Variants in SHTN1 observed in about 807,000 individuals in gnomAD.
SHTN1 encodes the protein shootin 1, also known as shootin-1.
SHTN1 carries 42 observed loss-of-function variants against 83.1 expected under a neutral mutation model. The ratio of observed to expected loss-of-function variants is 0.51; its 90% confidence interval spans 0.39 to 0.65. The LOEUF is 0.65. Among genes scored for constraint, SHTN1 ranks in the 30% least tolerant of loss-of-function variants. The pLI is 0.00. For missense variants in SHTN1, 622 were observed against 737.8 expected (o/e 0.84, Z 1.82); for synonymous variants, 224 against 247.7 (o/e 0.90, Z 0.90).
intron 2 of SHTN1, among the ~76,000 whole-genome samples, chr10:117,037,449 G>T (rs1352323210): frequency 6.6e-6 from 1 of 152,132 alleles, no homozygotes. Context: ...CCATGTGCAA[G>T]GATAGGAAGA....
In SHTN1 at chr10:116,909,245, T is replaced by G. The variant is rs578088351; in HGVS notation, c.1360-2498A>C. On this transcript the variant is annotated intron_variant, in intron 14 of 16. Transcript: ENST00000355371. Reference sequence around the variant, plus strand: ...ATACTCTTTTTCTACTTCAAACCACTGTGGTCATTTAACAACCTTAGGCCC... The same window carrying G: ...ATACTCTTTTTCTACTTCAAACCACGGTGGTCATTTAACAACCTTAGGCCC... Among the ~76,000 whole-genome samples the G allele has an allele frequency of 6.6e-5, 10 of 152,308 alleles. No homozygotes were observed. The South Asian group carries it at 2.1e-3, about 32-fold the overall frequency.
At chr10:117,048,254 A>T (rs1000162194) in intron 2 of SHTN1, among the ~76,000 whole-genome samples, 9 of 152,200 alleles carry the variant, frequency 5.9e-5, no homozygotes, top group African/African-American at 2.2e-4. Flanking sequence ...AATCAGACCT[A>T]AATAATGACT....
intron 9 of SHTN1, among the ~76,000 whole-genome samples, chr10:116,931,559 T>C (rs1848968424): frequency 6.6e-6 from 1 of 152,196 alleles, no homozygotes; most frequent in African/African-American, 2.4e-5. Flanking sequence ...TGAAGTATTC[T>C]TTACAACAGC....
intron 1 of SHTN1, among the ~76,000 whole-genome samples, chr10:117,079,023 AT>A (rs57691360): frequency 1.3e-5 from 2 of 151,528 alleles, no homozygotes; most frequent in African/African-American, 4.8e-5. Context: ...AGATTTGTGA[AT>A]TTTTTTTATT....
At position 116,885,114 on chromosome 10, in the gene SHTN1, C is replaced by T. The variant is rs1447861615; in HGVS notation, c.*1230G>A. 1 of 152,588 alleles carries T rather than the reference C, an allele frequency of 6.6e-6. No homozygotes were observed. Among genetic ancestry groups the T allele is most frequent in the South Asian group, 2.1e-4 (1 of 4,820 alleles). 9.5% of individuals were successfully genotyped at this position (152,588 alleles called of 1,614,324 possible). On this transcript the variant is annotated 3_prime_UTR_variant, in exon 17 of 17. Transcript: ENST00000355371. ...CCTCTTCAAGCCTATGCTTACCACA[C>T]GTGCAAAAATACAATACAATACAAC... is the stretch of plus-strand genomic sequence containing the variant.
chr10:116,990,287 C>CTTTTTTTTTTTTTTTTTTTCTTTTT (rs11399364), intron 1 of SHTN1, among the ~76,000 whole-genome samples: 1 of 119,920 alleles, frequency 8.3e-6, no homozygotes, highest in Non-Finnish European at 1.7e-5. Context: ...TTTTTTCTTT[C>CTTTTTTTTTTTTTTTTTTTCTTTTT]TTTTTTTTTT....
chr10:117,115,843 T>C (rs1190880439), intron 1 of SHTN1, among the ~76,000 whole-genome samples: 2 of 152,210 alleles, frequency 1.3e-5, no homozygotes, highest in African/African-American at 4.8e-5. Flanking sequence ...ATCCTCTCAA[T>C]AGCTCTACAG....
upstream of SHTN1, among the ~76,000 whole-genome samples, chr10:117,010,068 G>A (rs1852080572): frequency 6.6e-6 from 1 of 151,246 alleles, no homozygotes; most frequent in African/African-American, 2.4e-5. Flanking sequence ...GTTAGCAGAA[G>A]GAATAAAATA....
At position 116,934,900 on chromosome 10, in the gene SHTN1, T is replaced by G. The variant is rs556951017; in HGVS notation, c.859-4898A>C. ...GGTCCTTCACATCCCTTGTAAGTTGTATTCCTAGGTATTTTATTCTCTTTG... is the reference window on the plus strand; with the variant it reads ...GGTCCTTCACATCCCTTGTAAGTTGGATTCCTAGGTATTTTATTCTCTTTG... On this transcript the variant is annotated intron_variant, in intron 9 of 16. Transcript: ENST00000355371. 7.5e-4 allele frequency among the ~76,000 whole-genome samples: 114 copies of G among 152,288 alleles called. 2 individuals carry two copies. The South Asian group carries it at 0.022, about 29-fold the overall frequency.
Position 116,911,638 on chromosome 10 carries a change from G to C in SHTN1, c.1359+152C>G, listed in dbSNP as rs1203673382. The C allele has an allele frequency of 1.9e-6, 3 of 1,559,350 alleles. No individual in the cohort carries two copies. The African/African-American group carries it at 4.1e-5, about 21-fold the overall frequency. On this transcript the variant is annotated intron_variant, in intron 14 of 16. Transcript: ENST00000355371. ...AATTATTAACATATGTGATGGAGCA[G>C]TCTGTAAGCACGATCAAATAAACTG...
At chr10:116,907,943 T>A (rs74161333) in intron 14 of SHTN1, 12,014 of 515,298 alleles carry the variant, frequency 0.023, 902 homozygotes, top group African/African-American at 0.18. Flanking sequence ...ATAATTCTAC[T>A]GGCTAAAAAT....
intron 1 of SHTN1, among the ~76,000 whole-genome samples, chr10:117,123,215 T>G (rs1853956485): frequency 6.6e-6 from 1 of 152,206 alleles, no homozygotes; most frequent in Non-Finnish European, 1.5e-5. Context: ...TTGGTCAGGC[T>G]GGTCTCAAAC....
Position 116,944,980 on chromosome 10 carries a change from C to T in SHTN1, c.655G>A (p.Val219Ile), listed in dbSNP as rs1255168459. ...LAVEEYEEMQ[V>I]NLELEKDLRK... Reference sequence around the variant, plus strand: ...AGGTCCTTCTCCAGCTCCAGGTTTACTTGCATCTCCTCATACTCTTCTACA... The same window carrying T: ...AGGTCCTTCTCCAGCTCCAGGTTTATTTGCATCTCCTCATACTCTTCTACA... Residue 219 changes from valine to isoleucine, a missense_variant, in exon 8 of 17, where the codon GTA becomes ATA. Physicochemically the swap from Val to Ile is conservative, Grantham distance 29 (BLOSUM62 3). Transcript: ENST00000355371. The T allele has an allele frequency of 2.5e-6, 4 of 1,611,392 alleles. No individual in the cohort carries two copies. Among genetic ancestry groups the T allele is most frequent in the East Asian group, 2.2e-5 (1 of 44,888 alleles).
At chr10:117,022,256 C>A (rs1420092789) in intron 2 of SHTN1, among the ~76,000 whole-genome samples, 1 of 152,150 alleles carries the variant, frequency 6.6e-6, no homozygotes, top group Non-Finnish European at 1.5e-5. Flanking sequence ...TGCAGTTCAA[C>A]TTTTTATTTT....
chr10:117,009,899 TC>T (rs1366749582), upstream of SHTN1, among the ~76,000 whole-genome samples: 4 of 150,820 alleles, frequency 2.7e-5, no homozygotes, highest in African/African-American at 9.7e-5. Context: ...TGAGACTGTC[TC>T]AAAAAAAAGG....
intron 1 of SHTN1, among the ~76,000 whole-genome samples, chr10:117,052,346 T>C (rs1244560313): frequency 6.6e-6 from 1 of 152,044 alleles, no homozygotes; most frequent in Non-Finnish European, 1.5e-5. Flanking sequence ...AAGATGGCAG[T>C]GTTCCCCAAA....
intron 1 of SHTN1, among the ~76,000 whole-genome samples, chr10:117,097,261 C>A (rs1346888958): frequency 6.6e-6 from 1 of 152,230 alleles, no homozygotes; most frequent in African/African-American, 2.4e-5. Flanking sequence ...CTCTGCTCAA[C>A]CCCGACAGAC....
intron 2 of SHTN1, among the ~76,000 whole-genome samples, chr10:117,017,319 A>G (rs968806328): frequency 3.3e-5 from 5 of 151,910 alleles, no homozygotes; most frequent in Admixed American, 1.3e-4. Flanking sequence ...GTGAAACCCC[A>G]TCTCTACTAA....
intron 16 of SHTN1, among the ~76,000 whole-genome samples, chr10:116,897,568 G>T (rs1847567448): frequency 6.6e-6 from 1 of 152,174 alleles, no homozygotes; most frequent in Admixed American, 6.5e-5. Flanking sequence ...TAGTATCTTA[G>T]CTTTGGTCCT....
Sources: allele counts gnomAD v4.1 joint callset (sites outside exome capture counted in the v4.1 genomes callset), GRCh38; gene constraint gnomAD v4.1.1; transcripts MANE v1.5; gene names NCBI Gene and HGNC (gene_info 2026-07-23, HGNC 2026-07-21).